DLGAP1: variants seen among roughly 807,000 people sequenced by gnomAD.
DLGAP1 encodes disks large-associated protein 1.
In DLGAP1, 11 loss-of-function variants were observed where a neutral mutation model predicts 90.8. The observed-to-expected ratio is 0.12, with a 90% CI of 0.08 to 0.20. DLGAP1 has a LOEUF of 0.20. Ranked by LOEUF, DLGAP1 falls within the 10% of genes least tolerant of loss-of-function variation. DLGAP1 has a pLI of 1.00. For synonymous variants in DLGAP1, 558 were observed against 540.7 expected, an observed-to-expected ratio of 1.03 and a Z score of -0.44; for missense variants, 1,050 against 1,333.8, an observed-to-expected ratio of 0.79 and a Z score of 3.31.
chr18:4,348,230 T>C (rs2143941431), intron 1 of DLGAP1, among the ~76,000 whole-genome samples: 1 of 152,204 alleles, frequency 6.6e-6, no homozygotes, highest in Non-Finnish European at 1.5e-5. Flanking sequence ...AAGCAAATAA[T>C]TAAATAAATT....
At chr18:3,938,181 G>A (rs1418157453) in intron 3 of DLGAP1, among the ~76,000 whole-genome samples, 1 of 152,194 alleles carries the variant, frequency 6.6e-6, no homozygotes, top group Admixed American at 6.5e-5. Flanking sequence ...TGGGGCTATT[G>A]GCCCAGTCAT....
intron 5 of DLGAP1, among the ~76,000 whole-genome samples, chr18:3,790,901 T>G (rs1465785702): frequency 6.6e-6 from 1 of 152,194 alleles, no homozygotes. Flanking sequence ...GCCCCTGAAC[T>G]TGCTTTCAGC....
At chr18:4,149,285 C>A (rs2076634579) in intron 2 of DLGAP1, among the ~76,000 whole-genome samples, 1 of 152,118 alleles carries the variant, frequency 6.6e-6, no homozygotes, top group Admixed American at 6.6e-5. Flanking sequence ...TGAAGACGGA[C>A]AATTTATTCA....
chr18:4,218,014 T>C (rs866463563), intron 1 of DLGAP1, among the ~76,000 whole-genome samples: 5 of 135,450 alleles, frequency 3.7e-5, no homozygotes, highest in South Asian at 2.1e-4. Context: ...TTTTTCCCTC[T>C]TATGTTATCT....
chr18:3,540,725 T>C (rs2052647002), intron 9 of DLGAP1, among the ~76,000 whole-genome samples: 1 of 152,170 alleles, frequency 6.6e-6, no homozygotes, highest in African/African-American at 2.4e-5. Flanking sequence ...TCTATGTTCA[T>C]CATTCCTTTG....
At chr18:3,672,702 T>C (rs988940718) in intron 7 of DLGAP1, among the ~76,000 whole-genome samples, 1 of 152,052 alleles carries the variant, frequency 6.6e-6, no homozygotes, top group Non-Finnish European at 1.5e-5. Flanking sequence ...GTATTCCTCT[T>C]AAAGTTATCG....
intron 7 of DLGAP1, among the ~76,000 whole-genome samples, chr18:3,602,555 A>G (rs1232378679): frequency 1.5e-5 from 2 of 136,700 alleles, no homozygotes; most frequent in Non-Finnish European, 1.5e-5. Flanking sequence ...AGATCGCGCC[A>G]CCGCACTCCA....
chr18:3,898,455 A>C (rs774004057), intron 3 of DLGAP1, among the ~76,000 whole-genome samples: 3 of 152,228 alleles, frequency 2.0e-5, no homozygotes, highest in Non-Finnish European at 4.4e-5. Flanking sequence ...GGGAAAGTTA[A>C]ATAATTTACT....
At chr18:3,921,859 C>T (rs142071699) in intron 3 of DLGAP1, among the ~76,000 whole-genome samples, 4 of 152,202 alleles carry the variant, frequency 2.6e-5, no homozygotes, top group South Asian at 4.2e-4. Context: ...ACTTGATGAA[C>T]GTCAGGTGGC....
At chr18:4,142,761 A>AGT (rs1342835017) in intron 2 of DLGAP1, among the ~76,000 whole-genome samples, 2 of 152,104 alleles carry the variant, frequency 1.3e-5, no homozygotes, top group African/African-American at 4.8e-5. Context: ...GGTATTCATA[A>AGT]ATTTGAGTAT....
At chr18:3,652,177 A>AT (rs1255473240) in intron 7 of DLGAP1, among the ~76,000 whole-genome samples, 1 of 139,256 alleles carries the variant, frequency 7.2e-6, no homozygotes, top group Non-Finnish European at 1.5e-5. Context: ...AAAAAAAAAA[A>AT]AAAGAAAAGA....
At chr18:4,052,193 T>C (rs1314782342) in intron 2 of DLGAP1, among the ~76,000 whole-genome samples, 1 of 152,228 alleles carries the variant, frequency 6.6e-6, no homozygotes, top group East Asian at 1.9e-4. Context: ...CTAGGCAGTG[T>C]CCCACTGGTG....
chr18:3,920,270 G>A (rs1407544315), intron 3 of DLGAP1, among the ~76,000 whole-genome samples: 1 of 146,374 alleles, frequency 6.8e-6, no homozygotes, highest in Non-Finnish European at 1.5e-5. Flanking sequence ...TTGAACCTGG[G>A]AAGCAGAGGT....
chr18:4,109,953 A>G (rs1047595812), intron 2 of DLGAP1, among the ~76,000 whole-genome samples: 1 of 152,050 alleles, frequency 6.6e-6, no homozygotes. Context: ...TATTCATATT[A>G]TCTATATTGT....
intron 1 of DLGAP1, among the ~76,000 whole-genome samples, chr18:4,155,074 C>T (rs1040350142): frequency 8.6e-5 from 13 of 151,806 alleles, no homozygotes; most frequent in African/African-American, 2.7e-4. Flanking sequence ...AGGGATTCCA[C>T]CAAGAAAGTG....
intron 1 of DLGAP1, among the ~76,000 whole-genome samples, chr18:4,299,413 C>A (rs2080070501): frequency 1.3e-5 from 2 of 152,174 alleles, no homozygotes; most frequent in Non-Finnish European, 2.9e-5. Flanking sequence ...AATAGTAGTA[C>A]AAACTCTGCA....
chr18:4,081,572 G>A (rs1254214647), intron 2 of DLGAP1, among the ~76,000 whole-genome samples: 1 of 152,048 alleles, frequency 6.6e-6, no homozygotes, highest in Non-Finnish European at 1.5e-5. Flanking sequence ...GCAAAGTAAG[G>A]GATGAAGTTG....
intron 1 of DLGAP1, among the ~76,000 whole-genome samples, chr18:4,266,574 A>T (rs1382511208): frequency 6.6e-6 from 1 of 152,206 alleles, no homozygotes. Context: ...GCAGGCAACA[A>T]GAGGAGATCA....
chr18:4,052,221 AC>A (rs1162659796), intron 2 of DLGAP1, among the ~76,000 whole-genome samples: 1 of 152,118 alleles, frequency 6.6e-6, no homozygotes, highest in East Asian at 1.9e-4. Context: ...GGGGACTCTA[AC>A]CCCACATTTC....
Sources: gnomAD v4.1 joint callset for allele counts (sites outside exome capture counted in the v4.1 genomes callset) on GRCh38, gnomAD v4.1.1 for gene constraint, MANE v1.5 for transcripts, NCBI Gene and HGNC (gene_info 2026-07-23, HGNC 2026-07-21) for gene names.